Variants in CDKAL1 observed in about 807,000 individuals in gnomAD.
The protein encoded by CDKAL1 is threonylcarbamoyladenosine tRNA methylthiotransferase.
Under a neutral mutation model 68.2 loss-of-function variants are expected in CDKAL1, and 32 were observed. The observed-to-expected ratio is 0.47, with a 90% CI of 0.35 to 0.63. The LOEUF (loss-of-function observed/expected upper bound fraction) is 0.63, where lower values mean the gene tolerates loss of function less well. Among genes scored for constraint, CDKAL1 ranks in the 30% least tolerant of loss-of-function variants. The pLI is 0.00. For synonymous variants in CDKAL1, 234 were observed against 244.3 expected, an observed-to-expected ratio of 0.96 and a Z score of 0.39; for missense variants, 606 against 696.7, an observed-to-expected ratio of 0.87 and a Z score of 1.47.
chr6:21,194,441 C>A (rs1778386511), intron 13 of CDKAL1, among the ~76,000 whole-genome samples: 1 of 152,142 alleles, frequency 6.6e-6, no homozygotes, highest in Non-Finnish European at 1.5e-5. Context: ...ATTCTGATCC[C>A]TTCTAGTGGA....
chr6:20,989,769 A>C (rs1766692659), intron 10 of CDKAL1, among the ~76,000 whole-genome samples: 1 of 151,934 alleles, frequency 6.6e-6, no homozygotes, highest in Admixed American at 6.6e-5. Context: ...TGTTAGTTTT[A>C]GTTTTTCTCT....
At chr6:21,026,792 C>T (rs1768982497) in intron 11 of CDKAL1, among the ~76,000 whole-genome samples, 1 of 152,120 alleles carries the variant, frequency 6.6e-6, no homozygotes, top group African/African-American at 2.4e-5. Context: ...CCCTTCCAGA[C>T]ACTTCAGGTT....
chr6:20,608,828 T>C (rs569727818), intron 4 of CDKAL1, among the ~76,000 whole-genome samples: 1 of 152,318 alleles, frequency 6.6e-6, no homozygotes, highest in South Asian at 2.1e-4. Flanking sequence ...TTAAAAAGAT[T>C]TGCATGATAT....
chr6:20,591,852 G>A (rs1765606343), intron 4 of CDKAL1, among the ~76,000 whole-genome samples: 2 of 152,022 alleles, frequency 1.3e-5, no homozygotes, highest in South Asian at 2.1e-4. Flanking sequence ...TTGGCTATAC[G>A]GGCTCTTTTT....
intron 10 of CDKAL1, among the ~76,000 whole-genome samples, chr6:20,988,516 A>G (rs1766609734): frequency 6.6e-6 from 1 of 152,044 alleles, no homozygotes; most frequent in Non-Finnish European, 1.5e-5. Flanking sequence ...ACAAACATTT[A>G]TTTCTTGTTC....
intron 8 of CDKAL1, among the ~76,000 whole-genome samples, chr6:20,807,855 G>T (rs896701048): frequency 2.6e-5 from 4 of 152,062 alleles, no homozygotes; most frequent in Non-Finnish European, 4.4e-5. Flanking sequence ...ACAGTTTTTT[G>T]GACTTCAATA....
At chr6:20,941,108 A>AG (rs1763954697) in intron 9 of CDKAL1, among the ~76,000 whole-genome samples, 1 of 151,828 alleles carries the variant, frequency 6.6e-6, no homozygotes, top group South Asian at 2.1e-4. Context: ...AAAAAAAAAA[A>AG]AAGCACATCT....
In CDKAL1 at chr6:20,924,656, A is replaced by G. The variant is rs567862374; in HGVS notation, c.743-30763A>G. On this transcript the variant is annotated intron_variant, in intron 9 of 15. Transcript: ENST00000274695. The stretch of plus-strand genomic sequence containing the variant: ...TCTGTTCAATTCTGTGAAGGCTGAG[A>G]GAGATGAGCAAGCTGCAGAAGAAAA... 2.0e-5 allele frequency among the ~76,000 whole-genome samples: 3 copies of G among 152,326 alleles called. No individual in the cohort carries two copies. The South Asian group carries it at 6.2e-4, about 32-fold the overall frequency.
intron 15 of CDKAL1, among the ~76,000 whole-genome samples, chr6:21,218,163 T>C (rs902113185): frequency 6.6e-6 from 1 of 152,244 alleles, no homozygotes; most frequent in Non-Finnish European, 1.5e-5. Flanking sequence ...ATATCTGAAA[T>C]TGATTTGTAA....
chr6:21,108,855 G>A (rs1394641903), intron 13 of CDKAL1, among the ~76,000 whole-genome samples: 1 of 152,114 alleles, frequency 6.6e-6, no homozygotes, highest in East Asian at 1.9e-4. Flanking sequence ...CTGATAGAAA[G>A]TTATTTTTCT....
rs191988826 is a variant in CDKAL1, at chr6:20,989,032, A to G, written c.910-11195A>G. 3.3e-3 allele frequency among the ~76,000 whole-genome samples: 497 copies of G among 151,952 alleles called. 1 individual carries two copies. Among genetic ancestry groups the G allele is most frequent in the Middle Eastern group, 0.027 (8 of 294 alleles). On this transcript the variant is annotated intron_variant, in intron 10 of 15. Coordinates refer to ENST00000274695, the MANE Select transcript of CDKAL1 (RefSeq NM_017774.3). ...CTGCCCACATTTCATTGGCCATCCC[A>G]AGTCATATGGCTACTCCTGCCTATA...
At chr6:21,043,732 T>C (rs1770066111) in intron 11 of CDKAL1, among the ~76,000 whole-genome samples, 1 of 152,218 alleles carries the variant, frequency 6.6e-6, no homozygotes, top group South Asian at 2.1e-4. Context: ...CTTTTAAAAG[T>C]ATCGTCATGG....
intron 8 of CDKAL1, among the ~76,000 whole-genome samples, chr6:20,789,193 G>A (rs149636830): frequency 6.6e-6 from 1 of 152,288 alleles, no homozygotes; most frequent in African/African-American, 2.4e-5. Context: ...CAAACCAGTT[G>A]TCCTAAAATT....
chr6:20,727,852 CG>C (rs1772724598), intron 5 of CDKAL1, among the ~76,000 whole-genome samples: 1 of 152,020 alleles, frequency 6.6e-6, no homozygotes, highest in Non-Finnish European at 1.5e-5. Flanking sequence ...TTATAAGGGC[CG>C]TATTTGGACC....
chr6:21,112,958 T>C (rs1774197549), intron 13 of CDKAL1, among the ~76,000 whole-genome samples: 1 of 152,196 alleles, frequency 6.6e-6, no homozygotes, highest in South Asian at 2.1e-4. Flanking sequence ...GATGCCTGGT[T>C]TCCCAAAACA....
chr6:20,730,445 AAAAG>A (rs780321632), intron 5 of CDKAL1, among the ~76,000 whole-genome samples: 39 of 149,366 alleles, frequency 2.6e-4, no homozygotes, highest in African/African-American at 8.3e-4. Flanking sequence ...AAAGAGAAAG[AAAAG>A]AAAGAAAGGA....
chr6:20,746,176 G>A (rs1409276083), intron 6 of CDKAL1, among the ~76,000 whole-genome samples: 5 of 152,136 alleles, frequency 3.3e-5, no homozygotes, highest in African/African-American at 1.2e-4. Context: ...CACCCTTCTA[G>A]CCTGGCTTCA....
intron 4 of CDKAL1, among the ~76,000 whole-genome samples, chr6:20,639,101 G>A (rs936297752): frequency 1.3e-5 from 2 of 151,986 alleles, no homozygotes; most frequent in African/African-American, 4.8e-5. Context: ...TTAGCTATGG[G>A]GTAATAGCCA....
At chr6:20,574,017 A>T (rs1287489239) in intron 4 of CDKAL1, among the ~76,000 whole-genome samples, 3 of 152,196 alleles carry the variant, frequency 2.0e-5, no homozygotes, top group Non-Finnish European at 4.4e-5. Flanking sequence ...TGATATGGTT[A>T]GTATTATGGT....
Sources: gnomAD v4.1 joint callset for allele counts (sites outside exome capture counted in the v4.1 genomes callset) on GRCh38, gnomAD v4.1.1 for gene constraint, MANE v1.5 for transcripts, NCBI Gene and HGNC (gene_info 2026-07-23, HGNC 2026-07-21) for gene names.